NCAM2: variants seen among roughly 807,000 people sequenced by gnomAD.
NCAM2 encodes the protein N-CAM-2.
NCAM2 carries 30 observed loss-of-function variants against 98.1 expected under a neutral mutation model. The observed-to-expected ratio is 0.31, with a 90% CI of 0.23 to 0.41. The LOEUF is 0.41. Ranked by LOEUF, NCAM2 falls within the 10% of genes least tolerant of loss-of-function variation. NCAM2 has a pLI of 1.00. For missense variants in NCAM2, 867 were observed against 1,005.8 expected (o/e 0.86, Z 1.87); for synonymous variants, 368 against 342.4 (o/e 1.07, Z -0.83).
At chr21:21,299,777 G>C (rs1182635340) in intron 5 of NCAM2, among the ~76,000 whole-genome samples, 1 of 151,908 alleles carries the variant, frequency 6.6e-6, no homozygotes, top group African/African-American at 2.4e-5. Context: ...TTAAGTATTT[G>C]AAAGGACTCA....
At chr21:21,219,152 A>T (rs1183168211) in intron 1 of NCAM2, among the ~76,000 whole-genome samples, 1 of 151,916 alleles carries the variant, frequency 6.6e-6, no homozygotes, top group Non-Finnish European at 1.5e-5. Context: ...ATATTATGAG[A>T]TTTTTTCTTT....
At chr21:21,355,612 GTTA>G (rs1160396964) in intron 8 of NCAM2, among the ~76,000 whole-genome samples, 6 of 150,440 alleles carry the variant, frequency 4.0e-5, no homozygotes, top group East Asian at 2.0e-4. Flanking sequence ...TTTTATTGCT[GTTA>G]TTATTATTAT....
chr21:21,025,124 A>C (rs8128499), intron 1 of NCAM2, among the ~76,000 whole-genome samples: 1,826 of 151,520 alleles, frequency 0.012, 32 homozygotes, highest in African/African-American at 0.042. Context: ...CTCGCACTGT[A>C]GCCCAGGCTG....
intron 1 of NCAM2, among the ~76,000 whole-genome samples, chr21:21,268,568 C>T (rs1429945667): frequency 3.3e-5 from 5 of 152,230 alleles, no homozygotes; most frequent in South Asian, 4.1e-4. Context: ...GCTCCAATTT[C>T]GTTATATCAG....
At chr21:21,418,898 A>G (rs547522578) in intron 11 of NCAM2, among the ~76,000 whole-genome samples, 1 of 152,336 alleles carries the variant, frequency 6.6e-6, no homozygotes, top group South Asian at 2.1e-4. Context: ...GCACAAAGAA[A>G]TGACAATTGT....
chr21:21,458,914 A>G (rs1278945437), intron 12 of NCAM2, among the ~76,000 whole-genome samples: 1 of 152,240 alleles, frequency 6.6e-6, no homozygotes, highest in African/African-American at 2.4e-5. Flanking sequence ...AAGGGAATGT[A>G]TAAAATAGGA....
intron 9 of NCAM2, among the ~76,000 whole-genome samples, chr21:21,391,758 T>G (rs1044215956): frequency 6.6e-6 from 1 of 152,170 alleles, no homozygotes; most frequent in African/African-American, 2.4e-5. Context: ...TTAGTACTCT[T>G]GGTATCTCAG....
In NCAM2 at chr21:21,090,226, G is replaced by A. The variant is rs143167034; in HGVS notation, c.55+91608G>A. ...CACTGCTTTTCTCTTATCTATTGTT[G>A]TCAGATATGCTGACTTTTTAAAATA... On this transcript the variant is annotated intron_variant, in intron 1 of 17. Coordinates refer to ENST00000400546, the MANE Select transcript of NCAM2 (RefSeq NM_004540.5). Among the ~76,000 whole-genome samples the A allele has an allele frequency of 1.5e-3, 230 of 152,156 alleles. 1 individual carries two copies. Among genetic ancestry groups the A allele is most frequent in the Middle Eastern group, 0.01 (3 of 294 alleles).
intron 12 of NCAM2, among the ~76,000 whole-genome samples, chr21:21,448,395 G>A (rs149446643): frequency 1.3e-3 from 200 of 152,110 alleles, no homozygotes; most frequent in African/African-American, 4.5e-3. Context: ...CCTGTTGAGT[G>A]TGTGGGGGCA....
At chr21:21,217,278 G>A (rs991635584) in intron 1 of NCAM2, among the ~76,000 whole-genome samples, 5 of 152,096 alleles carry the variant, frequency 3.3e-5, no homozygotes, top group Admixed American at 6.5e-5. Context: ...GGTAAATTAC[G>A]TATAGTGGTC....
At chr21:21,221,444 G>T (rs4816847) in intron 1 of NCAM2, among the ~76,000 whole-genome samples, 152,310 of 152,310 alleles carry the variant, frequency 1, 76,155 homozygotes, top group Non-Finnish European at 1. Flanking sequence ...AGCCAAGTTG[G>T]TAATTGAAAG....
At chr21:21,020,553 A>G (rs1307401240) in intron 1 of NCAM2, among the ~76,000 whole-genome samples, 2 of 152,190 alleles carry the variant, frequency 1.3e-5, no homozygotes, top group Non-Finnish European at 2.9e-5. Flanking sequence ...TGACCACAGC[A>G]CAAGCACAGA....
chr21:21,042,382 C>G (rs984251224), intron 1 of NCAM2, among the ~76,000 whole-genome samples: 1 of 152,094 alleles, frequency 6.6e-6, no homozygotes, highest in Admixed American at 6.5e-5. Flanking sequence ...TGGGGTTTCT[C>G]TATGTTGGTC....
At chr21:21,474,876 T>C (rs1288168435) in intron 14 of NCAM2, among the ~76,000 whole-genome samples, 4 of 151,946 alleles carry the variant, frequency 2.6e-5, no homozygotes, top group Non-Finnish European at 2.9e-5. Flanking sequence ...TTTACAATTA[T>C]ATGTTGTGTG....
At chr21:21,498,936 A>C (rs566233278) in intron 15 of NCAM2, among the ~76,000 whole-genome samples, 20 of 152,206 alleles carry the variant, frequency 1.3e-4, no homozygotes, top group African/African-American at 4.8e-4. Context: ...CTTATCTCAA[A>C]ACTGAGCAAA....
At chr21:21,101,263 A>G (rs1601369725) in intron 1 of NCAM2, among the ~76,000 whole-genome samples, 1 of 152,096 alleles carries the variant, frequency 6.6e-6, no homozygotes, top group East Asian at 1.9e-4. Flanking sequence ...CATAATAGAA[A>G]ATAAATATAT....
chr21:21,413,871 C>G (rs1052293258), intron 10 of NCAM2, among the ~76,000 whole-genome samples: 2 of 152,118 alleles, frequency 1.3e-5, no homozygotes, highest in Non-Finnish European at 2.9e-5. Context: ...TTAACACTTC[C>G]TTTCATGAAA....
chr21:21,027,733 T>C (rs1306261615), intron 1 of NCAM2, among the ~76,000 whole-genome samples: 9 of 152,220 alleles, frequency 5.9e-5, no homozygotes, highest in Non-Finnish European at 1.0e-4. Context: ...CACTTCCTTT[T>C]AATTACAGAG....
At chr21:21,219,526 A>T (rs1261576901) in intron 1 of NCAM2, among the ~76,000 whole-genome samples, 1 of 152,178 alleles carries the variant, frequency 6.6e-6, no homozygotes, top group African/African-American at 2.4e-5. Flanking sequence ...CACATTATTC[A>T]TGTGTTTGTG....
Sources: allele counts gnomAD v4.1 joint callset (sites outside exome capture counted in the v4.1 genomes callset), GRCh38; gene constraint gnomAD v4.1.1; transcripts MANE v1.5; gene names NCBI Gene and HGNC (gene_info 2026-07-23, HGNC 2026-07-21).